Variants in RPS3 observed in about 807,000 individuals in gnomAD.
The protein encoded by RPS3 is ribosomal protein S3, also known as small ribosomal subunit protein uS3.
RPS3 carries 2 observed loss-of-function variants against 25.8 expected under a neutral mutation model. The observed-to-expected ratio is 0.08, with a 90% CI of 0.03 to 0.24. RPS3 has a LOEUF of 0.24. Among genes scored for constraint, RPS3 ranks in the 10% least tolerant of loss-of-function variants. The pLI is 1.00. For missense variants in RPS3, 107 were observed against 307.1 expected, an observed-to-expected ratio of 0.35 and a Z score of 4.87; for synonymous variants, 114 against 114.2, an observed-to-expected ratio of 1.00 and a Z score of 0.01.
rs368313317 is a variant in RPS3, at chr11:75,399,623, G to A, written c.30+46G>A. 21 of 1,583,850 alleles carry A rather than the reference G, an allele frequency of 1.3e-5. No homozygotes were observed. In the African/African-American group the frequency reaches 1.9e-4, roughly 14 times the overall value. On this transcript the variant is annotated intron_variant, in intron 1 of 6. Transcript: ENST00000531188. Reference sequence around the variant, plus strand: ...TTCGGAGAACGACGGCGCCGCGCGGGTCGAGGGCTTCTCGGGGTGCCACCG... The same window carrying A: ...TTCGGAGAACGACGGCGCCGCGCGGATCGAGGGCTTCTCGGGGTGCCACCG...
intron 6 of RPS3, among the ~76,000 whole-genome samples, chr11:75,412,462 C>T (rs1271338948): frequency 6.6e-6 from 1 of 152,036 alleles, no homozygotes; most frequent in Non-Finnish European, 1.5e-5. Context: ...TTCTTCAAGC[C>T]AAGGCTATCA....
Position 75,420,115 on chromosome 11 carries a change from T to C in RPS3, c.*4-1612T>C, listed in dbSNP as rs1164577499. 3.9e-5 allele frequency among the ~76,000 whole-genome samples: 6 copies of C among 152,332 alleles called. No individual in the cohort carries two copies. The South Asian group carries it at 8.3e-4, about 21-fold the overall frequency. On this transcript the variant is annotated intron_variant, in intron 6 of 6. Transcript: ENST00000527446. Reference sequence around the variant, plus strand: ...AGCCGCACACCTGAGGGCTCAGTGCTCTCAGGATTCATGGCCTGGCTTCCT... The same window carrying C: ...AGCCGCACACCTGAGGGCTCAGTGCCCTCAGGATTCATGGCCTGGCTTCCT...
chr11:75,417,835 A>G (rs1180259696), intron 6 of RPS3, among the ~76,000 whole-genome samples: 1 of 152,182 alleles, frequency 6.6e-6, no homozygotes, highest in African/African-American at 2.4e-5. Context: ...CAGGTGCAGG[A>G]TATTGCCACT....
downstream of RPS3, among the ~76,000 whole-genome samples, chr11:75,407,414 A>G (rs543075359): frequency 9.2e-5 from 14 of 152,382 alleles, no homozygotes; most frequent in Admixed American, 7.8e-4. Flanking sequence ...CTGGAATTAC[A>G]GGCGTGAGCC....
At chr11:75,421,632 A>C (rs919373579) in intron 6 of RPS3, 1 of 152,210 alleles carries the variant, frequency 6.6e-6, no homozygotes, top group Non-Finnish European at 1.5e-5. Context: ...TCAGAGGCCC[A>C]TGGCTACGGT....
downstream of RPS3, among the ~76,000 whole-genome samples, chr11:75,411,839 G>C (rs989730569): frequency 2.0e-5 from 3 of 152,216 alleles, no homozygotes; most frequent in South Asian, 6.2e-4. Context: ...TAGGGAAGGT[G>C]GGAAGACCTC....
intron 4 of RPS3, 26 bp downstream of exon 4, chr11:75,402,472 A>G (rs868494605): frequency 6.3e-7 from 1 of 1,588,120 alleles, no homozygotes. Flanking sequence ...CCTAATGGTC[A>G]TGACCTTTTG....
chr11:75,399,521 T>C lies in RPS3; in HGVS notation c.-27T>C, dbSNP rs1592018742. On this transcript the variant is annotated 5_prime_UTR_variant, in exon 1 of 7. Coordinates refer to ENST00000531188, the MANE Select transcript of RPS3 (RefSeq NM_001005.5). ...CACTTCCGCCCGCGAGCCACTTCCT[T>C]TCCTTTCAGCGGAGCGCGGCGGCAA... 1 of 1,613,788 alleles carries C rather than the reference T, an allele frequency of 6.2e-7. No individual in the cohort carries two copies. Among genetic ancestry groups the C allele is most frequent in the Non-Finnish European group, 8.5e-7 (1 of 1,179,824 alleles).
chr11:75,403,946 G>A, intron 4 of RPS3, 74 bp from the exon 5 acceptor site: 1 of 1,422,508 alleles, frequency 7.0e-7, no homozygotes, highest in Non-Finnish European at 9.6e-7. Context: ...TGAAAACCAA[G>A]TCTTTGTTTT....
intron 6 of RPS3, among the ~76,000 whole-genome samples, chr11:75,416,895 C>G (rs1257501265): frequency 6.6e-6 from 1 of 152,194 alleles, no homozygotes; most frequent in Non-Finnish European, 1.5e-5. Context: ...TTACTGTTCT[C>G]CTCAGGGACA....
At chr11:75,416,867 C>A (rs1347918355) in intron 6 of RPS3, among the ~76,000 whole-genome samples, 1 of 152,182 alleles carries the variant, frequency 6.6e-6, no homozygotes, top group Non-Finnish European at 1.5e-5. Flanking sequence ...ATATTTTCAA[C>A]CTCAGAGATT....
chr11:75,408,387 T>A (rs1440402445), downstream of RPS3, among the ~76,000 whole-genome samples: 8 of 152,076 alleles, frequency 5.3e-5, no homozygotes, highest in Non-Finnish European at 8.8e-5. Context: ...GGTGGGAGGA[T>A]GGCTTGATCC....
In RPS3 at chr11:75,405,909, G is replaced by T; in HGVS notation, c.*299G>T. The stretch of plus-strand genomic sequence containing the variant: ...CGTTGTCCTGTAGTTCAGGATTGTA[G>T]GTTTAGAAGAGGGATATGTTTGAGT... On this transcript the variant is annotated 3_prime_UTR_variant, in exon 7 of 7. Coordinates refer to ENST00000531188, the MANE Select transcript of RPS3 (RefSeq NM_001005.5). 4.4e-6 allele frequency: 1 copy of T among 225,802 alleles called. No homozygotes were observed. The highest frequency in any genetic ancestry group is 9.1e-6 in the Non-Finnish European group (1 of 110,240). The allele number at this position is 225,802 out of a possible 1,614,324, so 14.0% of individuals were successfully genotyped here.
chr11:75,419,204 T>C (rs2508619), intron 6 of RPS3, among the ~76,000 whole-genome samples: 99,063 of 152,020 alleles, frequency 0.65, 33,419 homozygotes, highest in African/African-American at 0.83. Context: ...TGAAATCCTT[T>C]CTGTAGAATG....
intron 3 of RPS3, chr11:75,401,945 G>A (rs1948215677): frequency 1.7e-6 from 1 of 573,488 alleles, no homozygotes; most frequent in South Asian, 2.2e-5. Flanking sequence ...GTATAGAAAT[G>A]ATGCATATGA....
rs1948277473 is a variant in RPS3 at position 75,405,713 on chromosome 11, T to C, written c.*103T>C. ...CACAAGGTCTGACTAGACTGTTCAG[T>C]ATTCAGACTGAGGGGCATGTTGGCC... On this transcript the variant is annotated 3_prime_UTR_variant, in exon 7 of 7. Coordinates refer to ENST00000531188, the MANE Select transcript of RPS3 (RefSeq NM_001005.5). 1 of 450,146 alleles carries C rather than the reference T, an allele frequency of 2.2e-6. No homozygotes were observed. Among genetic ancestry groups the C allele is most frequent in the African/African-American group, 2.0e-5 (1 of 49,698 alleles). 27.9% of individuals were successfully genotyped at this position (450,146 alleles called of 1,614,324 possible).
At chr11:75,405,404 G>A (rs939404673) in intron 6 of RPS3, 1 of 318,206 alleles carries the variant, frequency 3.1e-6, no homozygotes, top group East Asian at 8.5e-5. Flanking sequence ...CAAGCCTCCT[G>A]TGGTCAACAC....
At chr11:75,421,968 A>G (rs532118287) in exon 7 of RPS3, 2 of 152,362 alleles carry the variant, frequency 1.3e-5, no homozygotes, top group African/African-American at 4.8e-5. Context: ...AATATTTTAT[A>G]GTTTTTAAAA....
chr11:75,408,727 G>A (rs1239937362), downstream of RPS3, among the ~76,000 whole-genome samples: 2 of 152,092 alleles, frequency 1.3e-5, no homozygotes, highest in East Asian at 3.9e-4. Context: ...TGTATTTTTA[G>A]TAGAGACAGG....
Sources: gnomAD v4.1 joint callset for allele counts (sites outside exome capture counted in the v4.1 genomes callset) on GRCh38, gnomAD v4.1.1 for gene constraint, MANE v1.5 for transcripts, NCBI Gene and HGNC (gene_info 2026-07-23, HGNC 2026-07-21) for gene names.